Variants in UBE2E2 observed in about 807,000 individuals in gnomAD.
UBE2E2 encodes the protein ubiquitin-conjugating enzyme E2 E2.
UBE2E2 carries 6 observed loss-of-function variants against 24.7 expected under a neutral mutation model. The observed-to-expected ratio is 0.24, with a 90% CI of 0.13 to 0.48. The LOEUF (loss-of-function observed/expected upper bound fraction) is 0.48, where lower values mean the gene tolerates loss of function less well. UBE2E2 is among the 20% of genes least tolerant of loss of function. The probability of loss-of-function intolerance (pLI) is 0.99; values close to 1 mark genes in which losing one functional copy is unlikely to be tolerated. For missense variants in UBE2E2, 169 were observed against 245.0 expected (o/e 0.69, Z 2.07); for synonymous variants, 104 against 83.6 (o/e 1.24, Z -1.33).
chr3:23,291,443 T>G (rs1287989957), intron 3 of UBE2E2, among the ~76,000 whole-genome samples: 3 of 152,218 alleles, frequency 2.0e-5, no homozygotes, highest in Admixed American at 2.0e-4. Context: ...AAGGCTTTTG[T>G]TCACAATTTT....
At chr3:23,409,830 G>GT (rs1303756630) in intron 3 of UBE2E2, among the ~76,000 whole-genome samples, 3 of 152,186 alleles carry the variant, frequency 2.0e-5, no homozygotes, top group South Asian at 2.1e-4. Flanking sequence ...AGTCCTTAGA[G>GT]TTTTTTAGCT....
At chr3:23,351,147 G>A (rs1486625285) in intron 3 of UBE2E2, among the ~76,000 whole-genome samples, 1 of 152,158 alleles carries the variant, frequency 6.6e-6, no homozygotes, top group Non-Finnish European at 1.5e-5. Context: ...AGCTTCATAA[G>A]TGAAGGAGAA....
In UBE2E2 at chr3:23,413,401, A is replaced by G. The variant is rs555344069; in HGVS notation, c.228-86207A>G. Among the ~76,000 whole-genome samples, 3 of 152,204 alleles carry G rather than the reference A, an allele frequency of 2.0e-5. No homozygotes were observed. In the South Asian group the frequency reaches 6.2e-4, roughly 32 times the overall value. On this transcript the variant is annotated intron_variant, in intron 3 of 5. Coordinates refer to ENST00000396703, the MANE Select transcript of UBE2E2 (RefSeq NM_152653.4). ...ATAAGTCTTCAGGGGAGAGATTGAA[A>G]GTATTAAATTTCAAGTTACAACCAT...
At chr3:23,411,284 C>T (rs542197705) in intron 3 of UBE2E2, among the ~76,000 whole-genome samples, 2 of 152,194 alleles carry the variant, frequency 1.3e-5, no homozygotes, top group Non-Finnish European at 2.9e-5. Flanking sequence ...GAGTCACTTG[C>T]GGTTGGGAAG....
At chr3:23,502,143 C>T (rs1699736519) in intron 4 of UBE2E2, among the ~76,000 whole-genome samples, 1 of 151,800 alleles carries the variant, frequency 6.6e-6, no homozygotes, top group South Asian at 2.1e-4. Flanking sequence ...AACTCCATGC[C>T]TTCCTAGTGT....
At chr3:23,487,008 A>G (rs1415603833) in intron 3 of UBE2E2, among the ~76,000 whole-genome samples, 2 of 152,094 alleles carry the variant, frequency 1.3e-5, no homozygotes, top group Admixed American at 6.5e-5. Flanking sequence ...TCAACATGCT[A>G]TCTGTGGTGC....
At chr3:23,552,361 A>G (rs971224674) in intron 5 of UBE2E2, among the ~76,000 whole-genome samples, 1 of 152,180 alleles carries the variant, frequency 6.6e-6, no homozygotes, top group Admixed American at 6.5e-5. Context: ...TCTAAAAAAT[A>G]AAGTTTCAGT....
In UBE2E2 at chr3:23,236,674, A is replaced by G. The variant is rs560312674; in HGVS notation, c.227+19362A>G. Among the ~76,000 whole-genome samples, 207 of 152,132 alleles carry G rather than the reference A, an allele frequency of 1.4e-3. 1 individual carries two copies. Among genetic ancestry groups the G allele is most frequent in the Middle Eastern group, 0.01 (3 of 292 alleles). On this transcript the variant is annotated intron_variant, in intron 3 of 5. Coordinates refer to ENST00000396703, the MANE Select transcript of UBE2E2 (RefSeq NM_152653.4). The stretch of plus-strand genomic sequence containing the variant: ...GTGTGGTCGACATATATTCTTCTTC[A>G]TTTTTGCCGTTGAGAAAGCTGTCAG...
At chr3:23,386,635 A>G (rs1696810991) in intron 3 of UBE2E2, among the ~76,000 whole-genome samples, 1 of 152,220 alleles carries the variant, frequency 6.6e-6, no homozygotes, top group Non-Finnish European at 1.5e-5. Context: ...TGAGTTTTTA[A>G]TATGAGACAA....
At chr3:23,404,684 C>T (rs1219904015) in intron 3 of UBE2E2, among the ~76,000 whole-genome samples, 2 of 152,128 alleles carry the variant, frequency 1.3e-5, no homozygotes, top group Non-Finnish European at 2.9e-5. Context: ...TTTTGTTCAT[C>T]AGCATTTTTT....
intron 1 of UBE2E2, among the ~76,000 whole-genome samples, chr3:23,203,695 C>G (rs1011343684): frequency 4.3e-5 from 6 of 140,980 alleles, no homozygotes; most frequent in South Asian, 2.5e-4. Context: ...CCCATCCCCC[C>G]CTTCTGCCTC....
At chr3:23,230,744 C>T (rs1187353766) in intron 3 of UBE2E2, among the ~76,000 whole-genome samples, 1 of 151,282 alleles carries the variant, frequency 6.6e-6, no homozygotes, top group Non-Finnish European at 1.5e-5. Context: ...TGAGATTGCA[C>T]CATTGCACCC....
chr3:23,445,381 A>G (rs1698404274), intron 3 of UBE2E2, among the ~76,000 whole-genome samples: 1 of 151,912 alleles, frequency 6.6e-6, no homozygotes. Flanking sequence ...ATCATCTTTC[A>G]CTGTTGTTTT....
At chr3:23,524,520 T>A (rs544327533) in intron 4 of UBE2E2, among the ~76,000 whole-genome samples, 1 of 152,264 alleles carries the variant, frequency 6.6e-6, no homozygotes, top group East Asian at 1.9e-4. Flanking sequence ...TGTTAAGTAA[T>A]TCATCCAAAA....
At chr3:23,471,629 A>G (rs1699034172) in intron 3 of UBE2E2, among the ~76,000 whole-genome samples, 1 of 152,242 alleles carries the variant, frequency 6.6e-6, no homozygotes, top group Non-Finnish European at 1.5e-5. Flanking sequence ...ATTCAGTTTG[A>G]TAGTGCTAAA....
intron 3 of UBE2E2, among the ~76,000 whole-genome samples, chr3:23,338,620 G>A (rs375330224): frequency 6.6e-6 from 1 of 152,058 alleles, no homozygotes; most frequent in African/African-American, 2.4e-5. Context: ...TGGGACTGGG[G>A]AAGTACAGGA....
At chr3:23,447,086 A>G (rs957697342) in intron 3 of UBE2E2, among the ~76,000 whole-genome samples, 3 of 152,098 alleles carry the variant, frequency 2.0e-5, no homozygotes, top group Non-Finnish European at 4.4e-5. Context: ...GATCAGCCAT[A>G]TGTTACTAAA....
intron 5 of UBE2E2, among the ~76,000 whole-genome samples, chr3:23,552,651 T>G (rs1320413028): frequency 6.6e-6 from 1 of 152,216 alleles, no homozygotes; most frequent in Non-Finnish European, 1.5e-5. Flanking sequence ...CTTTGTACAA[T>G]CAGCTTCTTT....
At chr3:23,453,240 T>G (rs1463194550) in intron 3 of UBE2E2, among the ~76,000 whole-genome samples, 1 of 152,210 alleles carries the variant, frequency 6.6e-6, no homozygotes, top group Non-Finnish European at 1.5e-5. Context: ...GTTGTGGTGT[T>G]TTCAACTTAT....
Sources: gnomAD v4.1 joint callset for allele counts (sites outside exome capture counted in the v4.1 genomes callset) on GRCh38, gnomAD v4.1.1 for gene constraint, MANE v1.5 for transcripts, NCBI Gene and HGNC (gene_info 2026-07-23, HGNC 2026-07-21) for gene names.